The following TLE2 variants were observed in gnomAD, a reference collection of about 807,000 sequenced individuals.
The protein encoded by TLE2 is TLE family member 2, transcriptional corepressor, also known as transducin-like enhancer protein 2.
In TLE2, 74 loss-of-function variants were observed where a neutral mutation model predicts 97.2. The observed-to-expected ratio is 0.76, with a 90% CI of 0.63 to 0.92. TLE2 has a LOEUF of 0.92. TLE2 is among the 40% of genes least tolerant of loss of function. The probability of loss-of-function intolerance (pLI) is 0.00; values close to 1 mark genes in which losing one functional copy is unlikely to be tolerated. For missense variants in TLE2, 1,038 were observed against 1,008.7 expected, an observed-to-expected ratio of 1.03 and a Z score of -0.39; for synonymous variants, 499 against 432.1, an observed-to-expected ratio of 1.15 and a Z score of -1.92.
At position 3,015,654 on chromosome 19, in the gene TLE2, T is replaced by C. The variant is rs2089686132; in HGVS notation, c.677A>G (p.Tyr226Cys). ...AGTCCTGCACCTGCCCCCACTCACA[T>C]AAGGTCCTGATGGCTCCTTCTCATC... ...RADEKEPSGP[Y>C]ESDEDKSDYN... Residue 226 changes from tyrosine to cysteine, a missense_variant and splice_region_variant, in exon 9 of 20, where the codon TAT becomes TGT. By Grantham distance (194) the Tyr-to-Cys change is radical. Coordinates refer to ENST00000262953, the MANE Select transcript of TLE2 (RefSeq NM_003260.5). The C allele has an allele frequency of 6.2e-7, 1 of 1,606,038 alleles. No individual in the cohort carries two copies. The highest frequency in any genetic ancestry group is 8.5e-7 in the Non-Finnish European group (1 of 1,176,926).
intron 17 of TLE2, among the ~76,000 whole-genome samples, chr19:3,002,997 C>T (rs971829297): frequency 2.0e-5 from 3 of 152,170 alleles, no homozygotes; most frequent in African/African-American, 7.2e-5. Context: ...CCATGTCAGC[C>T]TACGAGCCCC....
At chr19:3,014,686 G>A in intron 9 of TLE2, 72 bp from the exon 10 acceptor site, 1 of 1,407,046 alleles carries the variant, frequency 7.1e-7, no homozygotes, top group East Asian at 2.7e-5. Context: ...CGCTCCTCAG[G>A]AGTTGGAGGC....
chr19:3,045,690 G>A (rs1450841814), intron 1 of TLE2: 5 of 427,382 alleles, frequency 1.2e-5, no homozygotes, highest in Non-Finnish European at 2.4e-5. Flanking sequence ...AATTAACCAG[G>A]TGTGGTGGCG....
At chr19:3,018,295 C>CATTT (rs376936723) in intron 7 of TLE2, among the ~76,000 whole-genome samples, 6,291 of 151,554 alleles carry the variant, frequency 0.042, 143 homozygotes, top group Middle Eastern at 0.075. Flanking sequence ...CCATGCTTGG[C>CATTT]ATTTATTTAT....
chr19:3,038,296 C>G (rs1331201213), intron 1 of TLE2, among the ~76,000 whole-genome samples: 1 of 152,152 alleles, frequency 6.6e-6, no homozygotes, highest in Non-Finnish European at 1.5e-5. Context: ...CAGCCTTGAC[C>G]TCGCTGGGCT....
intron 4 of TLE2, 91 bp downstream of exon 4, chr19:3,027,738 G>T: frequency 1.5e-6 from 2 of 1,328,026 alleles, no homozygotes; most frequent in Non-Finnish European, 2.1e-6. Context: ...CCCTAGGTCT[G>T]CTCTGGCCCC....
intron 11 of TLE2, among the ~76,000 whole-genome samples, chr19:3,012,436 C>G (rs1325675260): frequency 6.6e-6 from 1 of 152,178 alleles, no homozygotes; most frequent in Non-Finnish European, 1.5e-5. Context: ...AGGCTGGTCT[C>G]CAACTCCTGT....
chr19:3,011,525 A>C (rs2089595984), intron 11 of TLE2, among the ~76,000 whole-genome samples: 1 of 119,968 alleles, frequency 8.3e-6, no homozygotes, highest in African/African-American at 3.4e-5. Flanking sequence ...GAGCGACTCC[A>C]TCTCAAAAAA....
At chr19:3,025,705 G>T in intron 4 of TLE2, 3 of 703,594 alleles carry the variant, frequency 4.3e-6, no homozygotes, top group Non-Finnish European at 1.7e-6. Flanking sequence ...CAATGGCCAC[G>T]GACTTTGCCT....
At chr19:3,035,735 A>G (rs937683271) in intron 1 of TLE2, among the ~76,000 whole-genome samples, 4 of 152,286 alleles carry the variant, frequency 2.6e-5, no homozygotes, top group Admixed American at 2.6e-4. Context: ...GGGGATTAGG[A>G]GACCAGCAAC....
intron 17 of TLE2, 47 bp downstream of exon 17, chr19:3,005,390 T>C: frequency 6.2e-7 from 1 of 1,601,290 alleles, no homozygotes; most frequent in Middle Eastern, 1.7e-4. Flanking sequence ...GAAGGGATGC[T>C]GTATTCCTAG....
rs766255665 is a variant in TLE2, at chr19:3,027,810, G to C, written c.231+19C>G. 25 of 1,609,320 alleles carry C rather than the reference G, an allele frequency of 1.6e-5. No individual in the cohort carries two copies. The highest frequency in any genetic ancestry group is 2.1e-5 in the Non-Finnish European group (25 of 1,178,066). On this transcript the variant is annotated intron_variant, in intron 4 of 19. Coordinates refer to ENST00000262953, the MANE Select transcript of TLE2 (RefSeq NM_003260.5). ...CCCCCACCCTCCCTCCTGAACACGC[G>C]TAACCCCAACCCAGTTACCTGCTTA...
intron 3 of TLE2, 30 bp downstream of exon 3, chr19:3,028,282 GCCTCTCC>G: frequency 6.3e-7 from 1 of 1,585,572 alleles, no homozygotes. Context: ...AGCCCTGCCC[GCCTCTCC>G]CCTCACCCTG....
At chr19:3,016,997 C>T (rs776200549) in intron 8 of TLE2, among the ~76,000 whole-genome samples, 10 of 151,858 alleles carry the variant, frequency 6.6e-5, no homozygotes, top group East Asian at 5.8e-4. Flanking sequence ...AAGCTGGTCT[C>T]GAACTCCTGA....
At chr19:3,004,555 T>C (rs2089433038) in intron 17 of TLE2, among the ~76,000 whole-genome samples, 1 of 150,512 alleles carries the variant, frequency 6.6e-6, no homozygotes, top group Admixed American at 6.6e-5. Flanking sequence ...ACAAGAATCA[T>C]TTGAACCTGG....
chr19:3,018,552 CAG>C (rs1448175834), intron 7 of TLE2, among the ~76,000 whole-genome samples: 3 of 152,114 alleles, frequency 2.0e-5, no homozygotes, highest in African/African-American at 7.2e-5. Context: ...CTCGGTCTCC[CAG>C]AGTGCTGGGA....
chr19:3,037,296 C>G (rs1040084364), intron 1 of TLE2, among the ~76,000 whole-genome samples: 1 of 152,048 alleles, frequency 6.6e-6, no homozygotes, highest in East Asian at 1.9e-4. Context: ...AAAACAAAAA[C>G]AAAAACAAAA....
intron 1 of TLE2, among the ~76,000 whole-genome samples, chr19:3,045,319 C>A (rs1052913839): frequency 1.3e-5 from 2 of 152,164 alleles, no homozygotes; most frequent in Non-Finnish European, 2.9e-5. Context: ...TGGGACCATG[C>A]GTGAACACCT....
intron 14 of TLE2, among the ~76,000 whole-genome samples, chr19:3,007,042 C>G (rs1254778599): frequency 6.6e-6 from 1 of 151,920 alleles, no homozygotes; most frequent in Non-Finnish European, 1.5e-5. Flanking sequence ...GCCTCGGCCT[C>G]CCGAAGTGCT....
Sources: gnomAD v4.1 joint callset for allele counts (sites outside exome capture counted in the v4.1 genomes callset) on GRCh38, gnomAD v4.1.1 for gene constraint, MANE v1.5 for transcripts, NCBI Gene and HGNC (gene_info 2026-07-23, HGNC 2026-07-21) for gene names.